Variants in PRKG1 observed in about 807,000 individuals in gnomAD.
PRKG1 encodes cGMP-dependent protein kinase 1.
A neutral mutation model predicts 88.1 loss-of-function variants in PRKG1; 35 were observed. The ratio of observed to expected loss-of-function variants is 0.40; its 90% confidence interval spans 0.30 to 0.53. The LOEUF is 0.53. Among genes scored for constraint, PRKG1 ranks in the 20% least tolerant of loss-of-function variants. The pLI is 0.59. For missense variants in PRKG1, 540 were observed against 839.8 expected, an observed-to-expected ratio of 0.64 and a Z score of 4.41; for synonymous variants, 303 against 292.5, an observed-to-expected ratio of 1.04 and a Z score of -0.37.
At chr10:51,668,021 A>G (rs999896208) in intron 3 of PRKG1, among the ~76,000 whole-genome samples, 2 of 152,106 alleles carry the variant, frequency 1.3e-5, no homozygotes, top group Non-Finnish European at 2.9e-5. Context: ...CTGACATAAA[A>G]TTTAGGTCAA....
chr10:51,994,676 A>G (rs914376941), intron 5 of PRKG1, among the ~76,000 whole-genome samples: 5 of 152,150 alleles, frequency 3.3e-5, no homozygotes, highest in African/African-American at 1.2e-4. Context: ...TTTTCTCCCT[A>G]GAACTATGTG....
intron 3 of PRKG1, among the ~76,000 whole-genome samples, chr10:51,708,718 A>G (rs776580840): frequency 6.6e-5 from 10 of 152,320 alleles, no homozygotes; most frequent in Non-Finnish European, 7.3e-5. Flanking sequence ...GGTTGGAGCC[A>G]GAGTGATAGT....
rs113557677 is a variant in PRKG1 at position 52,022,317 on chromosome 10, C to T, written c.763-32167C>T. ...TGGGTTTCTTGGGACATAACCCCAT[C>T]GTAAGTCACAGAGCCTCTGTATTGC... On this transcript the variant is annotated intron_variant, in intron 5 of 17. Coordinates refer to ENST00000373980, the MANE Select transcript of PRKG1 (RefSeq NM_006258.4). Among the ~76,000 whole-genome samples the T allele has an allele frequency of 7.9e-5, 12 of 152,256 alleles. 1 individual carries two copies. Among genetic ancestry groups the T allele is most frequent in the African/African-American group, 2.4e-4 (10 of 41,542 alleles).
chr10:52,113,494 A>G (rs2132594443), intron 7 of PRKG1, among the ~76,000 whole-genome samples: 1 of 152,262 alleles, frequency 6.6e-6, no homozygotes, highest in South Asian at 2.1e-4. Context: ...TGAATTAGGA[A>G]GGCAGATTTG....
chr10:52,077,853 C>A (rs1402940326), intron 7 of PRKG1, among the ~76,000 whole-genome samples: 12 of 152,114 alleles, frequency 7.9e-5, no homozygotes, highest in Non-Finnish European at 1.0e-4. Flanking sequence ...CAGTAGTAAT[C>A]ATCTTCTATA....
upstream of PRKG1, among the ~76,000 whole-genome samples, chr10:51,072,127 G>A (rs1430119580): frequency 7.2e-5 from 11 of 152,106 alleles, no homozygotes; most frequent in African/African-American, 2.4e-4. Flanking sequence ...TCCAGGAGGC[G>A]GAGGTTGCAG....
chr10:51,503,748 T>C (rs11596696), intron 3 of PRKG1, among the ~76,000 whole-genome samples: 43,191 of 152,084 alleles, frequency 0.28, 7,201 homozygotes, highest in East Asian at 0.79. Context: ...TGTAGAGTAC[T>C]TGAAAGAGCT....
At chr10:51,472,175 T>G (rs1840065137) in intron 3 of PRKG1, among the ~76,000 whole-genome samples, 1 of 151,934 alleles carries the variant, frequency 6.6e-6, no homozygotes, top group Non-Finnish European at 1.5e-5. Flanking sequence ...ATTAAGATAT[T>G]TTACTAAGTG....
intron 2 of PRKG1, among the ~76,000 whole-genome samples, chr10:51,185,231 T>C (rs956385083): frequency 2.6e-5 from 4 of 152,140 alleles, no homozygotes; most frequent in Non-Finnish European, 5.9e-5. Flanking sequence ...TTCAATGGGA[T>C]GTTGTGAGAA....
intron 2 of PRKG1, among the ~76,000 whole-genome samples, chr10:51,308,844 C>T (rs12261736): frequency 0.34 from 51,137 of 151,856 alleles, 8,665 homozygotes; most frequent in East Asian, 0.4. Context: ...ACCCAGTCTT[C>T]TGAGGAGGTG....
chr10:51,269,575 G>A (rs2132173943), intron 2 of PRKG1, among the ~76,000 whole-genome samples: 1 of 152,200 alleles, frequency 6.6e-6, no homozygotes, highest in East Asian at 1.9e-4. Context: ...CAACTTGGAT[G>A]GAGTTGGAGA....
intron 2 of PRKG1, among the ~76,000 whole-genome samples, chr10:51,257,676 C>T (rs1405674136): frequency 2.0e-5 from 3 of 151,814 alleles, no homozygotes; most frequent in African/African-American, 7.3e-5. Flanking sequence ...GCCAACTCTG[C>T]AGAAAGAAAG....
Position 51,929,332 on chromosome 10 carries a change from A to T in PRKG1, c.762+21762A>T, listed in dbSNP as rs182130798. Among the ~76,000 whole-genome samples the T allele has an allele frequency of 2.8e-3, 417 of 146,426 alleles. 4 individuals are homozygous for T. Among genetic ancestry groups the T allele is most frequent in the African/African-American group, 0.01 (400 of 39,670 alleles). ...TTCTTCCTAGCATTGCCTGACCAAC[A>T]TCTGAATTCCTTCCTTTTTTTTTTT... On this transcript the variant is annotated intron_variant, in intron 5 of 17. Transcript: ENST00000373980.
intron 2 of PRKG1, among the ~76,000 whole-genome samples, chr10:51,224,382 C>T (rs770945754): frequency 2.6e-5 from 4 of 152,178 alleles, no homozygotes; most frequent in Admixed American, 1.3e-4. Context: ...CAGCCTTGTT[C>T]CCATCCTATT....
chr10:51,907,559 G>A lies in PRKG1; in HGVS notation c.751G>A (p.Val251Ile), dbSNP rs1842113328. Residue 251 changes from valine to isoleucine, a missense_variant, in exon 5 of 18, where the codon GTC (valine) becomes ATC (isoleucine). Transcript: ENST00000373980. The stretch of plus-strand genomic sequence containing the variant: ...AGAGATCCTCAGCAAGCTTGCTGAT[G>A]TCCTTGAAGAGGTAATTGTTTTTAG... ...PEEILSKLADVLEETHYENGE... is the reference protein window; with the variant it reads ...PEEILSKLADILEETHYENGE... 2 of 1,613,572 alleles carry A rather than the reference G, an allele frequency of 1.2e-6. No homozygotes were observed. Among genetic ancestry groups the A allele is most frequent in the Non-Finnish European group, 1.7e-6 (2 of 1,179,662 alleles).
intron 3 of PRKG1, among the ~76,000 whole-genome samples, chr10:51,719,444 A>C (rs1354493832): frequency 2.0e-5 from 3 of 152,230 alleles, no homozygotes; most frequent in Middle Eastern, 3.2e-3. Context: ...AAAACAAAAG[A>C]CAAACACAAA....
At chr10:52,182,755 C>A (rs2132732024) in intron 9 of PRKG1, among the ~76,000 whole-genome samples, 1 of 149,672 alleles carries the variant, frequency 6.7e-6, no homozygotes, top group African/African-American at 2.5e-5. Flanking sequence ...AGATATGCGG[C>A]ATTATTTCTG....
chr10:51,134,500 A>T (rs981255812), intron 1 of PRKG1, among the ~76,000 whole-genome samples: 2 of 152,160 alleles, frequency 1.3e-5, no homozygotes, highest in Non-Finnish European at 2.9e-5. Flanking sequence ...AATGCTTCAA[A>T]AGGATTCCAA....
chr10:51,106,000 C>T (rs1411710496), intron 1 of PRKG1, among the ~76,000 whole-genome samples: 1 of 152,118 alleles, frequency 6.6e-6, no homozygotes, highest in Non-Finnish European at 1.5e-5. Context: ...TAGCAATGAG[C>T]AATCAGGGTT....
Sources: allele counts gnomAD v4.1 joint callset (sites outside exome capture counted in the v4.1 genomes callset), GRCh38; gene constraint gnomAD v4.1.1; transcripts MANE v1.5; gene names NCBI Gene and HGNC (gene_info 2026-07-23, HGNC 2026-07-21).